FMN1: variants seen among roughly 807,000 people sequenced by gnomAD.
The protein encoded by FMN1 is formin-1.
Under a neutral mutation model 132.4 loss-of-function variants are expected in FMN1, and 110 were observed. The ratio of observed to expected loss-of-function variants is 0.83; its 90% CI spans 0.71 to 0.97. FMN1 has a LOEUF of 0.97. FMN1 is among the 50% of genes least tolerant of loss of function. The probability of loss-of-function intolerance (pLI) is 0.00; values close to 1 mark genes in which losing one functional copy is unlikely to be tolerated. For synonymous variants in FMN1, 722 were observed against 651.7 expected (o/e 1.11, Z -1.64); for missense variants, 1,792 against 1,705.3 (o/e 1.05, Z -0.90).
chr15:33,087,573 A>G (rs763181051), intron 5 of FMN1, among the ~76,000 whole-genome samples: 1 of 152,162 alleles, frequency 6.6e-6, no homozygotes, highest in Non-Finnish European at 1.5e-5. Context: ...ACAACAACAA[A>G]AAGAAAACAG....
At chr15:33,082,091 CAATGTGTGTGTGTGTG>C (rs2038496929) in intron 5 of FMN1, among the ~76,000 whole-genome samples, 1 of 76,060 alleles carries the variant, frequency 1.3e-5, no homozygotes, top group African/African-American at 7.0e-5. Context: ...GGCTGGAAAA[CAATGTGTGTGTGTGTG>C]TGTGTGTGTG....
chr15:32,810,341 G>C (rs988249288), intron 17 of FMN1, among the ~76,000 whole-genome samples: 1 of 152,130 alleles, frequency 6.6e-6, no homozygotes, highest in Non-Finnish European at 1.5e-5. Context: ...TCTTTTGTTT[G>C]CAACAAAATA....
intron 7 of FMN1, among the ~76,000 whole-genome samples, chr15:32,976,578 A>AT (rs1334158702): frequency 6.6e-6 from 1 of 152,152 alleles, no homozygotes; most frequent in Non-Finnish European, 1.5e-5. Context: ...AACTATTATA[A>AT]TTTTTTTGTC....
intron 3 of FMN1, among the ~76,000 whole-genome samples, chr15:33,159,172 ACT>A (rs1964793972): frequency 6.6e-6 from 1 of 152,194 alleles, no homozygotes; most frequent in Non-Finnish European, 1.5e-5. Flanking sequence ...AAAGAGTGAG[ACT>A]CTGTCTCTAA....
At chr15:32,826,280 A>AGCTCTCCAGGGAGAGTGGAAG (rs1196949898) in intron 17 of FMN1, among the ~76,000 whole-genome samples, 1 of 152,148 alleles carries the variant, frequency 6.6e-6, no homozygotes, top group Non-Finnish European at 1.5e-5. Flanking sequence ...ATAGAGAAGC[A>AGCTCTCCAGGGAGAGTGGAAG]GCTCTCCAGG....
intron 7 of FMN1, among the ~76,000 whole-genome samples, chr15:33,005,304 G>A (rs763266161): frequency 6.6e-6 from 1 of 152,004 alleles, no homozygotes; most frequent in Non-Finnish European, 1.5e-5. Flanking sequence ...CATCATAAAT[G>A]TGGGGCAACA....
intron 9 of FMN1, among the ~76,000 whole-genome samples, chr15:32,960,096 T>A (rs1229498142): frequency 6.6e-6 from 1 of 152,332 alleles, no homozygotes; most frequent in African/African-American, 2.4e-5. Flanking sequence ...CTTACCTCCA[T>A]CTCATATGAA....
rs117605322 is a variant in FMN1, at chr15:33,150,331, C to T, written c.1867+2717G>A. ...TCCACAAAGGCTTGGGAACATTCCA[C>T]ATCAGTCTCCACCCGCCAAATAAAA... On this transcript the variant is annotated intron_variant, in intron 4 of 20. Transcript: ENST00000616417. 691 of 985,472 alleles carry T rather than the reference C, an allele frequency of 7.0e-4. 20 individuals carry two copies. In the Admixed American group the frequency reaches 0.035, roughly 49 times the overall value. 61.0% of individuals were successfully genotyped at this position (985,472 alleles called of 1,614,324 possible).
Position 32,832,932 on chromosome 15 carries a change from AG to A in FMN1, c.3928+24082del, listed in dbSNP as rs143796563. ...TTTTGTGAGAGGTAGGAAGTAGGGT[AG>A]ACATCATCAGTCTTAGATTTGTCAA... On this transcript the variant is annotated intron_variant, in intron 17 of 20. Transcript: ENST00000616417. Among the ~76,000 whole-genome samples the A allele has an allele frequency of 5.6e-3, 846 of 152,268 alleles. 2 individuals carry two copies. The highest frequency in any genetic ancestry group is 0.014 in the Middle Eastern group (4 of 294).
intron 10 of FMN1, 23 bp downstream of exon 10, chr15:32,926,151 C>G (rs1201791111): frequency 1.6e-6 from 2 of 1,265,936 alleles, no homozygotes; most frequent in African/African-American, 3.1e-5. Flanking sequence ...AAAAGTAAAA[C>G]AAAAGTGATA....
chr15:32,819,943 ATC>A (rs1365113674), intron 17 of FMN1, among the ~76,000 whole-genome samples: 8 of 152,208 alleles, frequency 5.3e-5, no homozygotes, highest in African/African-American at 1.9e-4. Flanking sequence ...GGCAAGAATA[ATC>A]TGCCTTTGAT....
chr15:33,138,470 C>T (rs538079454), intron 4 of FMN1, among the ~76,000 whole-genome samples: 14 of 152,242 alleles, frequency 9.2e-5, no homozygotes, highest in African/African-American at 3.1e-4. Flanking sequence ...CAGTCTGGCA[C>T]GTCCCTCAAC....
chr15:33,017,427 T>TGC (rs3081384), intron 6 of FMN1, among the ~76,000 whole-genome samples: 3 of 24,570 alleles, frequency 1.2e-4, no homozygotes, highest in South Asian at 7.6e-4. Flanking sequence ...GAGGGAACTC[T>TGC]ACTTTCCGCT....
Position 32,901,895 on chromosome 15 carries a change from T to A in FMN1, c.3507+16A>T. The A allele has an allele frequency of 6.3e-7, 1 of 1,592,100 alleles. No individual in the cohort carries two copies. On this transcript the variant is annotated intron_variant, in intron 13 of 20. Transcript: ENST00000616417. The stretch of plus-strand genomic sequence containing the variant: ...TTCAGAGCAAGGCTATCTTTTAAAT[T>A]AGACAGTAAACATACCTTAGAAGCT...
chr15:32,792,301 C>T lies in FMN1; in HGVS notation c.4130+6503G>A, dbSNP rs193144035. On this transcript the variant is annotated intron_variant, in intron 19 of 20. Transcript: ENST00000616417. ...AAAAAAAAAAAAAAAAAAAATTAGCCGGGCGTGGTGGCAGACGCCTGTAGT... is the reference window on the plus strand; with the variant it reads ...AAAAAAAAAAAAAAAAAAAATTAGCTGGGCGTGGTGGCAGACGCCTGTAGT... 8.7e-3 allele frequency among the ~76,000 whole-genome samples: 1,306 copies of T among 150,194 alleles called. 24 individuals carry two copies. Among genetic ancestry groups the T allele is most frequent in the African/African-American group, 0.03 (1,225 of 40,836 alleles).
chr15:32,957,509 A>G (rs758535335), intron 9 of FMN1, among the ~76,000 whole-genome samples: 8 of 151,998 alleles, frequency 5.3e-5, no homozygotes, highest in Non-Finnish European at 5.9e-5. Flanking sequence ...GTACTACTAG[A>G]TGTCCGAATG....
At chr15:32,962,057 CAG>C (rs2030623658) in intron 9 of FMN1, among the ~76,000 whole-genome samples, 1 of 152,094 alleles carries the variant, frequency 6.6e-6, no homozygotes, top group Non-Finnish European at 1.5e-5. Flanking sequence ...ATGTGATTGA[CAG>C]GGTTTATGTT....
intron 5 of FMN1, among the ~76,000 whole-genome samples, chr15:33,084,645 G>A (rs1480142874): frequency 6.6e-6 from 1 of 151,668 alleles, no homozygotes; most frequent in Non-Finnish European, 1.5e-5. Context: ...TTGTTTGTTT[G>A]TTTTCATTTA....
At chr15:32,930,486 C>G (rs773063041) in intron 9 of FMN1, among the ~76,000 whole-genome samples, 5 of 151,918 alleles carry the variant, frequency 3.3e-5, no homozygotes, top group Non-Finnish European at 7.4e-5. Context: ...TTGCATTTCC[C>G]TGGTGATTAG....
Sources: allele counts gnomAD v4.1 joint callset (sites outside exome capture counted in the v4.1 genomes callset), GRCh38; gene constraint gnomAD v4.1.1; transcripts MANE v1.5; gene names NCBI Gene and HGNC (gene_info 2026-07-23, HGNC 2026-07-21).